The following SCRG1 variants were observed in gnomAD, a reference collection of about 807,000 sequenced individuals.
SCRG1 encodes the protein stimulator of chondrogenesis 1, also known as scrapie-responsive protein 1.
In SCRG1, 3 loss-of-function variants were observed where a neutral mutation model predicts 7.7. The observed-to-expected ratio is 0.39, with a 90% CI of 0.18 to 1.01. SCRG1 has a LOEUF of 1.01. Among genes scored for constraint, SCRG1 ranks in the 50% least tolerant of loss-of-function variants. The pLI is 0.36. For synonymous variants in SCRG1, 46 were observed against 41.2 expected (o/e 1.12, Z -0.44); for missense variants, 110 against 117.2 (o/e 0.94, Z 0.28).
chr4:173,484,420 T>C, the SCRG1 span, among the ~76,000 whole-genome samples: 24 of 68,322 alleles, frequency 3.5e-4, no homozygotes, highest in African/African-American at 1.2e-3. Flanking sequence ...ATATAATATA[T>C]ATTATATATT....
At chr4:173,476,828 G>T in the SCRG1 span, among the ~76,000 whole-genome samples, 2 of 151,580 alleles carry the variant, frequency 1.3e-5, no homozygotes, top group Admixed American at 1.3e-4. Flanking sequence ...CTCTAAAAAA[G>T]AAAAAAATAA....
the SCRG1 span, among the ~76,000 whole-genome samples, chr4:173,483,942 A>T: frequency 0.99 from 90,903 of 92,142 alleles, 44,862 homozygotes; most frequent in Middle Eastern, 1. Context: ...ATATAATATA[A>T]ATCATATATA....
the SCRG1 span, among the ~76,000 whole-genome samples, chr4:173,418,086 T>C: frequency 6.6e-6 from 1 of 152,146 alleles, no homozygotes; most frequent in East Asian, 1.9e-4. Flanking sequence ...TTGGCATAGA[T>C]CCCAAAAAAT....
intron 1 of SCRG1, among the ~76,000 whole-genome samples, chr4:173,405,702 T>G (rs897467768): frequency 3.9e-5 from 6 of 152,232 alleles, no homozygotes; most frequent in African/African-American, 1.4e-4. Flanking sequence ...AGCTTTTGCC[T>G]TTAGGGGCTC....
chr4:173,485,590 C>A, the SCRG1 span, among the ~76,000 whole-genome samples: 1 of 151,986 alleles, frequency 6.6e-6, no homozygotes, highest in Non-Finnish European at 1.5e-5. Context: ...TTTGTTATAC[C>A]ATACTATCTA....
chr4:173,490,948 A>G, the SCRG1 span, among the ~76,000 whole-genome samples: 1 of 152,082 alleles, frequency 6.6e-6, no homozygotes, highest in African/African-American at 2.4e-5. Context: ...CTGCCCTGGG[A>G]TGTGGGACCT....
At chr4:173,505,338 A>T in the SCRG1 span, among the ~76,000 whole-genome samples, 1 of 152,118 alleles carries the variant, frequency 6.6e-6, no homozygotes, top group Admixed American at 6.5e-5. The surrounding 1 kb of genome is among the most constrained non-coding windows in gnomAD (Gnocchi z 4.4). Flanking sequence ...GATGGCCCAA[A>T]AGGCAGGGAT....
the SCRG1 span, among the ~76,000 whole-genome samples, chr4:173,416,199 T>C: frequency 1.3e-5 from 2 of 152,268 alleles, no homozygotes; most frequent in Admixed American, 1.3e-4. Context: ...CGATGACTTA[T>C]CCTGCTCAAA....
At chr4:173,502,664 G>A in the SCRG1 span, among the ~76,000 whole-genome samples, 2 of 152,166 alleles carry the variant, frequency 1.3e-5, no homozygotes, top group Admixed American at 1.3e-4. The surrounding 1 kb of genome is among the most constrained non-coding windows in gnomAD (Gnocchi z 4.6). Context: ...TCACTGGCCT[G>A]TTGCATCCCC....
chr4:173,515,838 G>A, the SCRG1 span, among the ~76,000 whole-genome samples: 1 of 152,156 alleles, frequency 6.6e-6, no homozygotes, highest in Non-Finnish European at 1.5e-5. This position sits in a 1 kb window ranked among gnomAD's most constrained non-coding sequence, Gnocchi z 4.6. Context: ...CAAGAAGTGG[G>A]GTGGGGACGT....
chr4:173,419,899 C>A, the SCRG1 span: 1 of 931,820 alleles, frequency 1.1e-6, no homozygotes, highest in Non-Finnish European at 1.7e-6. Flanking sequence ...CATAATTTGT[C>A]AGGCCGGCCT....
At chr4:173,441,345 G>T in the SCRG1 span, among the ~76,000 whole-genome samples, 1 of 152,060 alleles carries the variant, frequency 6.6e-6, no homozygotes, top group Non-Finnish European at 1.5e-5. Context: ...TCTCCGTCAC[G>T]GCTCTAATCC....
the SCRG1 span, among the ~76,000 whole-genome samples, chr4:173,484,712 T>C: frequency 4.2e-5 from 4 of 95,402 alleles, no homozygotes; most frequent in African/African-American, 1.8e-4. Context: ...ATATAATACA[T>C]ATTATATATT....
chr4:173,488,515 A>G, the SCRG1 span, among the ~76,000 whole-genome samples: 1 of 152,200 alleles, frequency 6.6e-6, no homozygotes, highest in African/African-American at 2.4e-5. Context: ...TCTAGTTCTT[A>G]TCTGCTCTGA....
the SCRG1 span, among the ~76,000 whole-genome samples, chr4:173,502,072 C>G: frequency 6.6e-6 from 1 of 152,118 alleles, no homozygotes. The surrounding 1 kb of genome is among the most constrained non-coding windows in gnomAD (Gnocchi z 4.6). Context: ...TCGTGCTGCA[C>G]TTTTTTGTGG....
In SCRG1 at chr4:173,391,225, C is replaced by A; in HGVS notation, c.190G>T (p.Gly64Ter). 6.2e-7 allele frequency: 1 copy of A among 1,614,100 alleles called. No homozygotes were observed. Among genetic ancestry groups the A allele is most frequent in the Non-Finnish European group, 8.5e-7 (1 of 1,179,990 alleles). Residue 64 changes from glycine (G) to a stop codon, truncating the protein, a stop_gained, in exon 2 of 3, where the codon GGA becomes TGA. Transcript: ENST00000296506. LOFTEE classifies it high-confidence loss of function. ...TTGCAGTAACAGATCATCTCACATCCCTTCCCATCCCAGAAATGATCCTGG... is the reference window on the plus strand; with the variant it reads ...TTGCAGTAACAGATCATCTCACATCACTTCCCATCCCAGAAATGATCCTGG... The part of the protein sequence containing the change: ...NVQDHFWDGK[G>*]CEMICYCNFS...
At chr4:173,440,948 C>A in the SCRG1 span, among the ~76,000 whole-genome samples, 1 of 152,254 alleles carries the variant, frequency 6.6e-6, no homozygotes, top group East Asian at 1.9e-4. Context: ...GAATTTGGTA[C>A]CCACCCTAAT....
At chr4:173,442,314 G>A in the SCRG1 span, among the ~76,000 whole-genome samples, 2 of 152,236 alleles carry the variant, frequency 1.3e-5, no homozygotes, top group African/African-American at 4.8e-5. Context: ...GAGCAACCAT[G>A]TCTCTGATGT....
the SCRG1 span, among the ~76,000 whole-genome samples, chr4:173,441,102 G>T: frequency 3.9e-5 from 6 of 152,112 alleles, no homozygotes; most frequent in Admixed American, 6.5e-5. Context: ...GTTCAGATGA[G>T]GGCAAGTCAG....
Sources: allele counts gnomAD v4.1 joint callset (sites outside exome capture counted in the v4.1 genomes callset), GRCh38; gene constraint gnomAD v4.1.1; non-coding constraint Gnocchi (gnomAD v3.1); transcripts MANE v1.5; gene names NCBI Gene and HGNC (gene_info 2026-07-23, HGNC 2026-07-21).